GPC5: variants seen among roughly 807,000 people sequenced by gnomAD.
GPC5 encodes the protein glypican 5.
GPC5 carries 47 observed loss-of-function variants against 53.9 expected under a neutral mutation model. The ratio of observed to expected loss-of-function variants is 0.87; its 90% CI spans 0.69 to 1.11. The LOEUF (loss-of-function observed/expected upper bound fraction) is 1.11. Among genes scored for constraint, GPC5 ranks in the 50% most tolerant of loss-of-function variants. The pLI is 0.00. For synonymous variants in GPC5, 286 were observed against 263.3 expected (o/e 1.09, Z -0.84); for missense variants, 748 against 713.1 (o/e 1.05, Z -0.56).
At position 91,756,323 on chromosome 13, in the gene GPC5, A is replaced by T; in HGVS notation, c.1183A>T (p.Arg395Trp). ...KEFINSLRLY[R>W]SFYGGLADQL... Reference sequence around the variant, plus strand: ...ATTTATCAACAGCCTTCGACTGTACAGGTCATTCTATGGAGGTCTAGCTGA... The same window carrying T: ...ATTTATCAACAGCCTTCGACTGTACTGGTCATTCTATGGAGGTCTAGCTGA... The change falls in exon 5 of 8, where the codon AGG becomes TGG. Residue 395 changes from arginine to tryptophan, a missense_variant. Transcript: ENST00000377067. 6.3e-7 allele frequency: 1 copy of T among 1,579,772 alleles called. No homozygotes were observed. Among genetic ancestry groups the T allele is most frequent in the Non-Finnish European group, 8.7e-7 (1 of 1,155,444 alleles).
intron 2 of GPC5, among the ~76,000 whole-genome samples, chr13:91,571,983 ATATATGTG>A (rs1277795786): frequency 2.1e-5 from 3 of 144,140 alleles, no homozygotes; most frequent in East Asian, 2.1e-4. Flanking sequence ...GTATATATGT[ATATATGTG>A]TATATGTGTA....
chr13:92,177,338 A>C (rs537401720), intron 7 of GPC5, among the ~76,000 whole-genome samples: 42 of 152,250 alleles, frequency 2.8e-4, no homozygotes, highest in African/African-American at 9.4e-4. Flanking sequence ...ACAATGCCTT[A>C]AATTATGTGG....
chr13:91,435,515 C>G (rs1237127191), intron 1 of GPC5, among the ~76,000 whole-genome samples: 1 of 152,190 alleles, frequency 6.6e-6, no homozygotes, highest in African/African-American at 2.4e-5. Context: ...TTGAACCAGC[C>G]TTGCATCCCA....
intron 7 of GPC5, among the ~76,000 whole-genome samples, chr13:92,518,557 C>T (rs1283956453): frequency 1.3e-5 from 2 of 152,156 alleles, no homozygotes; most frequent in Non-Finnish European, 2.9e-5. Flanking sequence ...AAATAAAATG[C>T]TTTACAGACA....
chr13:92,734,940 A>T (rs185221943), intron 7 of GPC5, among the ~76,000 whole-genome samples: 118 of 152,104 alleles, frequency 7.8e-4, no homozygotes, highest in African/African-American at 2.6e-3. Context: ...GTAATGATTT[A>T]AAAAGATAGG....
chr13:92,070,405 AACT>A (rs1285344817), intron 6 of GPC5, among the ~76,000 whole-genome samples: 2 of 152,096 alleles, frequency 1.3e-5, no homozygotes, highest in East Asian at 3.9e-4. Flanking sequence ...CTGCCGTGAA[AACT>A]CTCCCCATTG....
intron 7 of GPC5, among the ~76,000 whole-genome samples, chr13:92,471,694 G>T (rs547938910): frequency 6.6e-6 from 1 of 152,060 alleles, no homozygotes; most frequent in Non-Finnish European, 1.5e-5. Context: ...GGAGTTGCAG[G>T]CGCTAACGAG....
At chr13:91,493,326 A>G (rs1481152328) in intron 2 of GPC5, among the ~76,000 whole-genome samples, 1 of 152,202 alleles carries the variant, frequency 6.6e-6, no homozygotes, top group Non-Finnish European at 1.5e-5. Flanking sequence ...GCCCTCAAGC[A>G]TTTATCCTTT....
chr13:92,115,301 G>C (rs1254202596), intron 6 of GPC5, among the ~76,000 whole-genome samples: 1 of 152,200 alleles, frequency 6.6e-6, no homozygotes, highest in Non-Finnish European at 1.5e-5. Context: ...GAGGTCAAGA[G>C]ATCGAGACCA....
chr13:91,962,421 A>C (rs1453764457), intron 6 of GPC5, among the ~76,000 whole-genome samples: 1 of 152,156 alleles, frequency 6.6e-6, no homozygotes, highest in Non-Finnish European at 1.5e-5. Context: ...ACAACATAGA[A>C]ATTAATTTCC....
chr13:92,565,359 T>G (rs1410060026), intron 7 of GPC5, among the ~76,000 whole-genome samples: 3 of 152,034 alleles, frequency 2.0e-5, no homozygotes, highest in African/African-American at 7.2e-5. Flanking sequence ...GTTTTATAAG[T>G]TCTATCTTTT....
At chr13:91,478,897 ATATATG>A (rs1167269400) in intron 2 of GPC5, among the ~76,000 whole-genome samples, 60 of 99,362 alleles carry the variant, frequency 6.0e-4, no homozygotes, top group East Asian at 1.6e-3. Context: ...ATATATATAT[ATATATG>A]CACATATATA....
At chr13:91,505,485 T>A (rs1227789108) in intron 2 of GPC5, among the ~76,000 whole-genome samples, 1 of 152,206 alleles carries the variant, frequency 6.6e-6, no homozygotes, top group African/African-American at 2.4e-5. Flanking sequence ...GATGTGACTT[T>A]GTCCCCTCTA....
At chr13:92,422,720 G>A (rs1876634321) in intron 7 of GPC5, among the ~76,000 whole-genome samples, 1 of 151,982 alleles carries the variant, frequency 6.6e-6, no homozygotes, top group African/African-American at 2.4e-5. Context: ...AACCTCAGTG[G>A]CTGGAGGCAC....
At chr13:91,720,952 C>T (rs1244013580) in intron 3 of GPC5, among the ~76,000 whole-genome samples, 2 of 151,650 alleles carry the variant, frequency 1.3e-5, no homozygotes, top group African/African-American at 4.8e-5. Flanking sequence ...GATCTCAGTC[C>T]TCATAGACCA....
At chr13:92,002,987 C>A (rs2040569471) in intron 6 of GPC5, among the ~76,000 whole-genome samples, 1 of 152,042 alleles carries the variant, frequency 6.6e-6, no homozygotes, top group Non-Finnish European at 1.5e-5. Context: ...CCCTGAGGTA[C>A]TTAACAAAAT....
At chr13:91,976,289 T>A (rs953527152) in intron 6 of GPC5, among the ~76,000 whole-genome samples, 2 of 152,140 alleles carry the variant, frequency 1.3e-5, no homozygotes, top group Admixed American at 6.5e-5. Flanking sequence ...AAAGAAAATT[T>A]AAAAAAATAG....
intron 3 of GPC5, among the ~76,000 whole-genome samples, chr13:91,695,477 C>T (rs2035860907): frequency 6.6e-6 from 1 of 152,048 alleles, no homozygotes; most frequent in Non-Finnish European, 1.5e-5. Context: ...GGGTTCATGC[C>T]ATTCTCCCGC....
intron 7 of GPC5, among the ~76,000 whole-genome samples, chr13:92,459,702 T>C (rs940955143): frequency 6.6e-6 from 1 of 152,206 alleles, no homozygotes; most frequent in Non-Finnish European, 1.5e-5. Context: ...TCTACATGTA[T>C]GTTTTGTTAG....
Sources: gnomAD v4.1 joint callset for allele counts (sites outside exome capture counted in the v4.1 genomes callset) on GRCh38, gnomAD v4.1.1 for gene constraint, MANE v1.5 for transcripts, NCBI Gene and HGNC (gene_info 2026-07-23, HGNC 2026-07-21) for gene names.